Variants in VPS13B observed in about 807,000 individuals in gnomAD.
VPS13B encodes the protein intermembrane lipid transfer protein VPS13B.
Under a neutral mutation model 426.4 loss-of-function variants are expected in VPS13B, and 285 were observed. The ratio of observed to expected loss-of-function variants is 0.67; its 90% CI spans 0.61 to 0.74. VPS13B has a LOEUF of 0.74. Among genes scored for constraint, VPS13B ranks in the 30% least tolerant of loss-of-function variants. The pLI is 0.00. For synonymous variants in VPS13B, 1,676 were observed against 1,676.4 expected (o/e 1.00, Z 0.01); for missense variants, 4,537 against 4,782.6 (o/e 0.95, Z 1.51).
chr8:99,621,820 C>CTTT (rs749078781), intron 33 of VPS13B, among the ~76,000 whole-genome samples: 271 of 83,230 alleles, frequency 3.3e-3, no homozygotes, highest in East Asian at 3.9e-3. Flanking sequence ...TGTTTTGTTT[C>CTTT]TTTTTTTTTT....
chr8:99,179,152 T>C (rs1327821826), intron 16 of VPS13B, among the ~76,000 whole-genome samples: 2 of 152,164 alleles, frequency 1.3e-5, no homozygotes, highest in African/African-American at 4.8e-5. Context: ...ATGTTAAAAC[T>C]GTTGTGTTGT....
intron 25 of VPS13B, among the ~76,000 whole-genome samples, chr8:99,484,194 G>T (rs966251676): frequency 3.9e-5 from 6 of 152,004 alleles, no homozygotes; most frequent in African/African-American, 1.4e-4. Flanking sequence ...TTGCTAAATT[G>T]CTTAAAAAGA....
intron 33 of VPS13B, 171 bp downstream of exon 33, chr8:99,577,804 T>C: frequency 2.0e-6 from 2 of 989,516 alleles, no homozygotes; most frequent in South Asian, 3.2e-5. Context: ...TTTAGAAATT[T>C]GTTTGGTCTC....
At chr8:99,337,419 C>G (rs541842925) in intron 19 of VPS13B, among the ~76,000 whole-genome samples, 3 of 151,202 alleles carry the variant, frequency 2.0e-5, no homozygotes, top group Admixed American at 1.3e-4. Flanking sequence ...TGCTAAATGA[C>G]GAGTTAATGG....
intron 26 of VPS13B, among the ~76,000 whole-genome samples, chr8:99,502,076 C>T (rs13261362): frequency 6.6e-6 from 1 of 152,088 alleles, no homozygotes; most frequent in Non-Finnish European, 1.5e-5. Context: ...CCTCTTCCTT[C>T]TGGGTTCAAG....
intron 19 of VPS13B, among the ~76,000 whole-genome samples, chr8:99,294,895 G>T (rs761432886): frequency 6.6e-6 from 1 of 152,078 alleles, no homozygotes; most frequent in African/African-American, 2.4e-5. Flanking sequence ...TCTACAGATC[G>T]AAGTAAAAAT....
At chr8:99,769,753 T>C (rs1435423393) in intron 40 of VPS13B, among the ~76,000 whole-genome samples, 3 of 152,196 alleles carry the variant, frequency 2.0e-5, no homozygotes, top group African/African-American at 7.2e-5. Flanking sequence ...AACAATATGC[T>C]ATTTGGTGTT....
chr8:99,555,834 G>GTTAT (rs2133763200), intron 30 of VPS13B, among the ~76,000 whole-genome samples: 1 of 152,224 alleles, frequency 6.6e-6, no homozygotes, highest in African/African-American at 2.4e-5. Context: ...AAACCTCTCT[G>GTTAT]TTATTCTACA....
At chr8:99,147,817 A>G in intron 13 of VPS13B, 24 bp from the exon 14 acceptor site, 1 of 1,378,224 alleles carries the variant, frequency 7.3e-7, no homozygotes. Flanking sequence ...ATTCTTTATT[A>G]ATTTTTTATC....
At chr8:99,022,801 T>C (rs1841961765) in intron 2 of VPS13B, among the ~76,000 whole-genome samples, 1 of 152,214 alleles carries the variant, frequency 6.6e-6, no homozygotes. Flanking sequence ...ATTAAGTGTA[T>C]ACAAATTTAG....
At chr8:99,200,371 A>G (rs4734428) in intron 17 of VPS13B, among the ~76,000 whole-genome samples, 1 of 151,762 alleles carries the variant, frequency 6.6e-6, no homozygotes, top group Non-Finnish European at 1.5e-5. Context: ...ATTCAAGTAC[A>G]GGTTTTTTTT....
In VPS13B at chr8:99,835,108, G is replaced by A. The variant is rs2130865103; in HGVS notation, c.9615-89G>A. ...AAACAGATATTTTCGAGTTCTGAAT[G>A]TTGCAAATCTAAATAAACATGTTCC... On this transcript the variant is annotated intron_variant, in intron 52 of 61. Coordinates refer to ENST00000357162, the MANE Select transcript of VPS13B (RefSeq NM_152564.5). The A allele has an allele frequency of 2.6e-6, 4 of 1,560,052 alleles. No homozygotes were observed. The East Asian group carries it at 9.0e-5, about 35-fold the overall frequency.
chr8:99,286,043 T>C (rs1449643862), intron 19 of VPS13B, among the ~76,000 whole-genome samples: 1 of 152,106 alleles, frequency 6.6e-6, no homozygotes, highest in Admixed American at 6.6e-5. Context: ...CTCCCCTCCC[T>C]TCCCAATTAA....
chr8:99,096,249 T>A, intron 3 of VPS13B, 63 bp from the exon 4 acceptor site: 4 of 1,592,198 alleles, frequency 2.5e-6, no homozygotes, highest in Non-Finnish European at 3.4e-6. Flanking sequence ...ATTAAAAAAT[T>A]TTTTTTCTTA....
chr8:99,303,807 T>C (rs1478270282), intron 19 of VPS13B, among the ~76,000 whole-genome samples: 3 of 151,836 alleles, frequency 2.0e-5, no homozygotes, highest in Non-Finnish European at 4.4e-5. Context: ...GATTGTGTAT[T>C]GATTGTGGCT....
chr8:99,121,469 A>G (rs757901988), intron 8 of VPS13B, 24 bp downstream of exon 8: 3 of 1,611,222 alleles, frequency 1.9e-6, no homozygotes, highest in East Asian at 4.5e-5. Flanking sequence ...CTTGCTGTTT[A>G]TATCTCTATC....
At chr8:99,263,243 T>A (rs1411460249) in intron 17 of VPS13B, among the ~76,000 whole-genome samples, 1 of 152,170 alleles carries the variant, frequency 6.6e-6, no homozygotes, top group Admixed American at 6.5e-5. Context: ...AGTTTTCTTA[T>A]TTTTGATGTT....
chr8:99,067,520 C>T (rs1844599012), intron 3 of VPS13B, among the ~76,000 whole-genome samples: 1 of 152,058 alleles, frequency 6.6e-6, no homozygotes, highest in African/African-American at 2.4e-5. Flanking sequence ...GGAGGGATAG[C>T]ATTAGGAGAA....
At chr8:99,149,402 A>G (rs1228689732) in intron 14 of VPS13B, among the ~76,000 whole-genome samples, 1 of 152,142 alleles carries the variant, frequency 6.6e-6, no homozygotes, top group Non-Finnish European at 1.5e-5. Context: ...ACTGCAACCT[A>G]TGCCTCCTGG....
Sources: gnomAD v4.1 joint callset for allele counts (sites outside exome capture counted in the v4.1 genomes callset) on GRCh38, gnomAD v4.1.1 for gene constraint, MANE v1.5 for transcripts, NCBI Gene and HGNC (gene_info 2026-07-23, HGNC 2026-07-21) for gene names.